ANO4: variants seen among roughly 807,000 people sequenced by gnomAD.
ANO4 encodes the protein anoctamin-4.
Under a neutral mutation model 141.9 loss-of-function variants are expected in ANO4, and 69 were observed. The observed-to-expected ratio is 0.49, with a 90% confidence interval of 0.40 to 0.59. ANO4 has a LOEUF of 0.59. Among genes scored for constraint, ANO4 ranks in the 20% least tolerant of loss-of-function variants. The probability of loss-of-function intolerance (pLI) is 0.00; values close to 1 mark genes in which losing one functional copy is unlikely to be tolerated. For missense variants in ANO4, 894 were observed against 1,162.2 expected, an observed-to-expected ratio of 0.77 and a Z score of 3.36; for synonymous variants, 350 against 394.3, an observed-to-expected ratio of 0.89 and a Z score of 1.33.
At chr12:100,835,056 C>T (rs2036833916) in intron 1 of ANO4, among the ~76,000 whole-genome samples, 1 of 152,096 alleles carries the variant, frequency 6.6e-6, no homozygotes, top group African/African-American at 2.4e-5. Context: ...GCCTCTGCTT[C>T]CAATGGCCTT....
chr12:100,884,532 T>C (rs1216894263), intron 1 of ANO4, among the ~76,000 whole-genome samples: 1 of 152,178 alleles, frequency 6.6e-6, no homozygotes, highest in Non-Finnish European at 1.5e-5. Flanking sequence ...TTTTTATTGC[T>C]TCTGTAACAA....
At chr12:100,748,357 T>G (rs2032206691) in intron 3 of ANO4, among the ~76,000 whole-genome samples, 1 of 152,202 alleles carries the variant, frequency 6.6e-6, no homozygotes, top group Non-Finnish European at 1.5e-5. Context: ...TAATTGGACC[T>G]CACCAGGAGA....
At chr12:100,948,379 C>A (rs2042829094) in intron 5 of ANO4, among the ~76,000 whole-genome samples, 1 of 152,020 alleles carries the variant, frequency 6.6e-6, no homozygotes, top group Admixed American at 6.6e-5. Context: ...TTATGGATCT[C>A]TGTTTCCATT....
chr12:101,080,514 A>T (rs2049202397), intron 15 of ANO4, among the ~76,000 whole-genome samples: 1 of 152,064 alleles, frequency 6.6e-6, no homozygotes, highest in African/African-American at 2.4e-5. Flanking sequence ...CACACCTGTA[A>T]TCCCAGCACT....
intron 2 of ANO4, among the ~76,000 whole-genome samples, chr12:100,916,665 T>C (rs2041356937): frequency 6.6e-6 from 1 of 152,148 alleles, no homozygotes; most frequent in Non-Finnish European, 1.5e-5. Flanking sequence ...AAACATATAC[T>C]ATAGAAAAGA....
chr12:100,823,864 G>A (rs2036188707), intron 1 of ANO4, among the ~76,000 whole-genome samples: 1 of 151,974 alleles, frequency 6.6e-6, no homozygotes, highest in African/African-American at 2.4e-5. Context: ...TTGATGAAAT[G>A]GGTAGGCAAT....
At position 101,126,944 on chromosome 12, in the gene ANO4, G is replaced by C. The variant is rs756851812; in HGVS notation, c.2742G>C (p.Arg914Ser). 2.5e-6 allele frequency: 4 copies of C among 1,614,094 alleles called. No individual in the cohort carries two copies. The highest frequency in any genetic ancestry group is 1.3e-5 in the African/African-American group (1 of 74,996). ...TCCCAGACCTCCCAAAAGACCTAAG[G>C]GATCGAATGAGAAGAGAGAAGTACT... ...YLIPDLPKDLRDRMRREKYLI... is the reference protein window; with the variant it reads ...YLIPDLPKDLSDRMRREKYLI... The change falls in exon 27 of 28, where the codon AGG becomes AGC. Residue 914 changes from arginine (R) to serine (S), a missense_variant. Around this residue, in one of 2 missense-constraint regions of ANO4, gnomAD observed 637 missense variants for 909.2 expected, o/e 0.70. Transcript: ENST00000392977.
Position 101,120,567 on chromosome 12 carries a change from A to G in ANO4, c.2618A>G (p.Tyr873Cys). 1 of 1,614,100 alleles carries G rather than the reference A, an allele frequency of 6.2e-7. No individual in the cohort carries two copies. Among genetic ancestry groups the G allele is most frequent in the Non-Finnish European group, 8.5e-7 (1 of 1,180,002 alleles). Residue 873 changes from tyrosine (Y) to cysteine (C), a missense_variant, in exon 26 of 28, where the codon TAC becomes TGC. Physicochemically the swap from Tyr to Cys is radical, Grantham distance 194. Coordinates refer to ENST00000392977, the MANE Select transcript of ANO4 (RefSeq NM_001286615.2). ...DPPHSLVPYGYTLQFWHVLAA... is the reference protein window; with the variant it reads ...DPPHSLVPYGCTLQFWHVLAA... ...CCTCATTCACTGGTGCCCTATGGCT[A>G]CACACTGCAGTTTTGGCATGTCCTA...
intron 3 of ANO4, among the ~76,000 whole-genome samples, chr12:100,772,652 GCAGCT>G (rs1280606805): frequency 3.3e-5 from 5 of 152,150 alleles, no homozygotes; most frequent in African/African-American, 4.8e-5. Flanking sequence ...AGATCCCAAG[GCAGCT>G]CATCAGTAAA....
intron 3 of ANO4, among the ~76,000 whole-genome samples, chr12:100,743,926 A>G (rs1487086816): frequency 6.6e-6 from 1 of 152,102 alleles, no homozygotes; most frequent in African/African-American, 2.4e-5. Context: ...CCATGTTAAC[A>G]TGCAATTTTT....
At chr12:100,804,588 T>C (rs1280754596) in intron 1 of ANO4, among the ~76,000 whole-genome samples, 3 of 152,216 alleles carry the variant, frequency 2.0e-5, no homozygotes, top group Non-Finnish European at 4.4e-5. Flanking sequence ...AGCAGTCCAT[T>C]TTCTCCACAA....
chr12:100,775,110 A>G (rs1314829777), intron 3 of ANO4, among the ~76,000 whole-genome samples: 1 of 152,208 alleles, frequency 6.6e-6, no homozygotes, highest in East Asian at 1.9e-4. Context: ...CCCCAACTGA[A>G]AAATAATTAT....
rs78765741 is a variant in ANO4, at chr12:100,742,864, A to G, written c.358+2759A>G. 2.9e-3 allele frequency among the ~76,000 whole-genome samples: 443 copies of G among 152,258 alleles called. 4 individuals carry two copies. The highest frequency in any genetic ancestry group is 0.01 in the African/African-American group (429 of 41,556). On this transcript the variant is annotated intron_variant, in intron 3 of 29. Coordinates refer to the ANO4 transcript ENST00000644049. ...TAACTTCTATAGTAGATTCTCTTGT[A>G]TTAGACTTTACTTAACCCTGCTTGT...
intron 1 of ANO4, among the ~76,000 whole-genome samples, chr12:100,807,425 A>G (rs750640004): frequency 6.6e-6 from 1 of 152,062 alleles, no homozygotes; most frequent in Non-Finnish European, 1.5e-5. Context: ...CCTCACCCCT[A>G]TTACCCTTTT....
chr12:100,988,377 G>A (rs2044827681), intron 8 of ANO4, among the ~76,000 whole-genome samples: 1 of 152,012 alleles, frequency 6.6e-6, no homozygotes, highest in Admixed American at 6.6e-5. Flanking sequence ...GCCGTGTGCT[G>A]GAGACTGTAA....
chr12:100,972,778 A>G (rs2043985794), intron 6 of ANO4, among the ~76,000 whole-genome samples: 1 of 152,226 alleles, frequency 6.6e-6, no homozygotes, highest in Admixed American at 6.5e-5. Flanking sequence ...AGAAATTTAT[A>G]CACCCCTCTC....
chr12:100,718,242 C>T (rs2030704009), intron 1 of ANO4, among the ~76,000 whole-genome samples: 1 of 152,188 alleles, frequency 6.6e-6, no homozygotes, highest in Non-Finnish European at 1.5e-5. Flanking sequence ...GAAATCCTAG[C>T]GCGCTGGGGA....
intron 8 of ANO4, among the ~76,000 whole-genome samples, chr12:101,002,294 C>A (rs909717311): frequency 5.9e-5 from 9 of 152,196 alleles, no homozygotes; most frequent in Non-Finnish European, 1.2e-4. Context: ...CATGGATTGG[C>A]AAGCAGAGTA....
chr12:101,029,558 A>G (rs2046882160), intron 9 of ANO4, among the ~76,000 whole-genome samples: 1 of 152,162 alleles, frequency 6.6e-6, no homozygotes, highest in Admixed American at 6.5e-5. Flanking sequence ...ACTTTAAACC[A>G]ATGAAGATCA....
Sources: gnomAD v4.1 joint callset for allele counts (sites outside exome capture counted in the v4.1 genomes callset) on GRCh38, gnomAD v4.1.1 for gene constraint, gnomAD v4.1.1 regional missense constraint, MANE v1.5 for transcripts, NCBI Gene and HGNC (gene_info 2026-07-23, HGNC 2026-07-21) for gene names.